ELP4: variants seen among roughly 807,000 people sequenced by gnomAD.
ELP4 encodes the protein elongator complex protein 4.
Under a neutral mutation model 48.9 loss-of-function variants are expected in ELP4, and 51 were observed. The ratio of observed to expected loss-of-function variants is 1.04; its 90% confidence interval spans 0.83 to 1.32. ELP4 has a LOEUF of 1.32. Among genes scored for constraint, ELP4 ranks in the 40% most tolerant of loss-of-function variants. ELP4 has a pLI of 0.00. For missense variants in ELP4, 519 were observed against 514.6 expected (o/e 1.01, Z -0.08); for synonymous variants, 210 against 189.2 (o/e 1.11, Z -0.90).
At chr11:31,714,936 A>T (rs948829814) in intron 9 of ELP4, 1 of 396,850 alleles carries the variant, frequency 2.5e-6, no homozygotes, top group African/African-American at 2.1e-5. Flanking sequence ...CTTTCACCTT[A>T]ATTCCTCTTT....
At chr11:31,750,767 T>A (rs1170398466) in intron 9 of ELP4, among the ~76,000 whole-genome samples, 1 of 152,208 alleles carries the variant, frequency 6.6e-6, no homozygotes, top group Non-Finnish European at 1.5e-5. Flanking sequence ...CAGGGCTCAT[T>A]TAAATGTCTT....
intron 9 of ELP4, among the ~76,000 whole-genome samples, chr11:31,777,943 T>A (rs1404550279): frequency 2.0e-5 from 3 of 152,190 alleles, no homozygotes; most frequent in Non-Finnish European, 4.4e-5. Flanking sequence ...GAATACAAAC[T>A]GGCTGCAGAG....
At chr11:31,734,942 G>T (rs796131464) in intron 9 of ELP4, among the ~76,000 whole-genome samples, 24 of 152,180 alleles carry the variant, frequency 1.6e-4, no homozygotes, top group African/African-American at 5.5e-4. Context: ...GTCTTCACAT[G>T]TCCTGATTTT....
At chr11:31,707,079 T>C (rs1225227678) in intron 9 of ELP4, 2 of 398,228 alleles carry the variant, frequency 5.0e-6, no homozygotes, top group South Asian at 2.5e-4. Flanking sequence ...TGATTTCCTT[T>C]CCTTTGGAGA....
intron 9 of ELP4, among the ~76,000 whole-genome samples, chr11:31,658,943 C>T (rs1022483208): frequency 1.3e-5 from 2 of 151,810 alleles, no homozygotes; most frequent in Admixed American, 1.3e-4. Context: ...CTTTAAATAC[C>T]ATCTTTAATC....
At chr11:31,692,936 A>G (rs1038828618) in intron 9 of ELP4, among the ~76,000 whole-genome samples, 2 of 152,126 alleles carry the variant, frequency 1.3e-5, no homozygotes, top group African/African-American at 4.8e-5. Flanking sequence ...CAGTAACCAC[A>G]CTAGATTGCA....
chr11:31,609,620 G>A lies in ELP4; in HGVS notation c.653+5713G>A, dbSNP rs556466054. Reference sequence around the variant, plus strand: ...GTAGTCATATGGTTATGAGATGCCCGGCCGGGGTCTGTGGGTTGGTACTCC... The same window carrying A: ...GTAGTCATATGGTTATGAGATGCCCAGCCGGGGTCTGTGGGTTGGTACTCC... On this transcript the variant is annotated intron_variant, in intron 5 of 9. Coordinates refer to ENST00000640961, the MANE Select transcript of ELP4 (RefSeq NM_019040.5). 4.0e-3 allele frequency among the ~76,000 whole-genome samples: 606 copies of A among 152,150 alleles called. 5 individuals carry two copies. Among genetic ancestry groups the A allele is most frequent in the African/African-American group, 0.014 (578 of 41,502 alleles).
intron 6 of ELP4, among the ~76,000 whole-genome samples, chr11:31,630,227 C>CTTTTTTTTTTTTTTT (rs11441798): frequency 7.8e-6 from 1 of 128,462 alleles, no homozygotes; most frequent in African/African-American, 3.0e-5. Flanking sequence ...TTCTAAAATC[C>CTTTTTTTTTTTTTTT]TTTTTTTTTT....
intron 9 of ELP4, among the ~76,000 whole-genome samples, chr11:31,744,690 T>C (rs1426124078): frequency 3.9e-5 from 6 of 152,104 alleles, no homozygotes; most frequent in Non-Finnish European, 7.4e-5. Flanking sequence ...AATTCAACAA[T>C]GCTTCATGCT....
intron 3 of ELP4, among the ~76,000 whole-genome samples, chr11:31,556,035 A>G (rs1956925532): frequency 6.6e-6 from 1 of 151,942 alleles, no homozygotes; most frequent in African/African-American, 2.4e-5. Context: ...AGTCTTATAG[A>G]CCATAATTAT....
chr11:31,626,994 T>C, intron 5 of ELP4, 116 bp from the exon 6 acceptor site: 1 of 597,802 alleles, frequency 1.7e-6, no homozygotes, highest in South Asian at 2.4e-5. Flanking sequence ...TTTGACATTC[T>C]TAAGTAATCT....
intron 1 of ELP4, chr11:31,510,512 G>T (rs1955971003): frequency 2.5e-6 from 1 of 406,074 alleles, no homozygotes; most frequent in Non-Finnish European, 4.4e-6. Context: ...AAACATTTTG[G>T]CTTTAAGAGA....
chr11:31,733,868 G>A lies in ELP4; in HGVS notation c.1144-49525G>A, dbSNP rs552902971. Among the ~76,000 whole-genome samples the A allele has an allele frequency of 2.0e-5, 3 of 152,136 alleles. No individual in the cohort carries two copies. The South Asian group carries it at 6.2e-4, about 32-fold the overall frequency. On this transcript the variant is annotated intron_variant, in intron 9 of 9. Transcript: ENST00000640961. ...GAACACATCCAGATTCATTTTATGA[G>A]GCCAGCATTACTCTGATAGGAAAGC...
intron 9 of ELP4, among the ~76,000 whole-genome samples, chr11:31,748,566 T>C (rs1214301230): frequency 1.3e-5 from 2 of 152,016 alleles, no homozygotes; most frequent in Non-Finnish European, 2.9e-5. Context: ...TCTTATAGCA[T>C]AGATTTCTAC....
intron 3 of ELP4, among the ~76,000 whole-genome samples, chr11:31,575,319 G>A (rs888268493): frequency 1.4e-4 from 22 of 152,218 alleles, no homozygotes; most frequent in Admixed American, 7.9e-4. Context: ...TCTGATTGGT[G>A]TACCTGAAAG....
At chr11:31,749,194 A>C (rs907267015) in intron 9 of ELP4, among the ~76,000 whole-genome samples, 1 of 152,216 alleles carries the variant, frequency 6.6e-6, no homozygotes, top group African/African-American at 2.4e-5. Context: ...AAAAAACAGC[A>C]TTTAGTAAAC....
chr11:31,591,674 C>T (rs1190570953), intron 3 of ELP4, among the ~76,000 whole-genome samples: 1 of 152,068 alleles, frequency 6.6e-6, no homozygotes, highest in African/African-American at 2.4e-5. Context: ...TAAAATGGTG[C>T]AGCCACTGTA....
chr11:31,592,349 G>A (rs192880499), intron 3 of ELP4, among the ~76,000 whole-genome samples: 1 of 152,120 alleles, frequency 6.6e-6, no homozygotes, highest in Non-Finnish European at 1.5e-5. Flanking sequence ...TTCAACACCA[G>A]CCTGGGCAAC....
Position 31,624,395 on chromosome 11 carries a change from T to C in ELP4, c.654-2715T>C, listed in dbSNP as rs549703176. On this transcript the variant is annotated intron_variant, in intron 5 of 9. Transcript: ENST00000640961. ...AATAGGCAATTGTAATACAAGTATT[T>C]GTGTTTCTAAACACAGAAAAGGTTC... Among the ~76,000 whole-genome samples the C allele has an allele frequency of 1.9e-3, 283 of 151,840 alleles. 2 individuals carry two copies. Among genetic ancestry groups the C allele is most frequent in the African/African-American group, 6.6e-3 (273 of 41,502 alleles).
Sources: allele counts gnomAD v4.1 joint callset (sites outside exome capture counted in the v4.1 genomes callset), GRCh38; gene constraint gnomAD v4.1.1; transcripts MANE v1.5; gene names NCBI Gene and HGNC (gene_info 2026-07-23, HGNC 2026-07-21).